The following THADA variants were observed in gnomAD, a reference collection of about 807,000 sequenced individuals.
THADA encodes THADA armadillo repeat containing.
Under a neutral mutation model 219.8 loss-of-function variants are expected in THADA, and 213 were observed. The ratio of observed to expected loss-of-function variants is 0.97; its 90% confidence interval spans 0.87 to 1.09. The LOEUF (loss-of-function observed/expected upper bound fraction) is 1.09. Among genes scored for constraint, THADA ranks in the 50% least tolerant of loss-of-function variants. The pLI is 0.00. For synonymous variants in THADA, 1,018 were observed against 828.9 expected, an observed-to-expected ratio of 1.23 and a Z score of -3.92; for missense variants, 2,956 against 2,311.3, an observed-to-expected ratio of 1.28 and a Z score of -5.72.
chr2:43,298,018 G>T (rs1164332474), intron 31 of THADA, among the ~76,000 whole-genome samples: 8 of 99,784 alleles, frequency 8.0e-5, no homozygotes, highest in Admixed American at 1.8e-4. Context: ...TCAGCCCCCC[G>T]GCCCGGCCAG....
intron 29 of THADA, among the ~76,000 whole-genome samples, chr2:43,375,671 C>CA (rs1321085039): frequency 6.6e-6 from 1 of 152,156 alleles, no homozygotes; most frequent in African/African-American, 2.4e-5. Context: ...TACAAGGTCA[C>CA]AATTTTAGGA....
intron 29 of THADA, among the ~76,000 whole-genome samples, chr2:43,386,822 C>G (rs1672744726): frequency 6.7e-6 from 1 of 149,086 alleles, no homozygotes. Flanking sequence ...TGCTTGAACC[C>G]GGGAGGCAGA....
At chr2:43,376,810 G>C (rs959097447) in intron 29 of THADA, among the ~76,000 whole-genome samples, 1 of 152,116 alleles carries the variant, frequency 6.6e-6, no homozygotes, top group Non-Finnish European at 1.5e-5. Context: ...GTTTGTCCAG[G>C]GAATTAAGAT....
chr2:43,280,415 C>T (rs1337831090), intron 35 of THADA, among the ~76,000 whole-genome samples: 1 of 152,032 alleles, frequency 6.6e-6, no homozygotes, highest in Admixed American at 6.6e-5. Context: ...GAGTGGATCA[C>T]GAGGTCAGGA....
chr2:43,306,439 C>T (rs892114510), intron 31 of THADA, among the ~76,000 whole-genome samples: 1 of 152,166 alleles, frequency 6.6e-6, no homozygotes, highest in Non-Finnish European at 1.5e-5. Context: ...CACACTTAGT[C>T]CATGGGATAC....
chr2:43,380,764 A>G (rs1230653623), intron 29 of THADA, among the ~76,000 whole-genome samples: 1 of 152,186 alleles, frequency 6.6e-6, no homozygotes, highest in Non-Finnish European at 1.5e-5. Flanking sequence ...TACCTAGAAA[A>G]GGGAACATAC....
intron 22 of THADA, among the ~76,000 whole-genome samples, chr2:43,515,728 T>C (rs573343270): frequency 1.3e-5 from 2 of 151,988 alleles, no homozygotes; most frequent in Admixed American, 1.3e-4. Context: ...ACCAGAATTG[T>C]ATACCCCGTT....
Position 43,577,141 on chromosome 2 carries a change from A to G in THADA, c.918T>C (p.Ala306=). The part of the protein sequence containing the change: ...SLCCGDISQS[A]VLFLCQGTLA... ...GTGTCCCCTGACAGAGGAATAAGAC[A>G]GCTGACTGAGAGATGTCACCACAAC... Residue 306 remains alanine, a synonymous_variant, in exon 10 of 38, where the codon GCT becomes GCC. Coordinates refer to ENST00000405975, the MANE Select transcript of THADA (RefSeq NM_022065.5). 1 of 1,611,884 alleles carries G rather than the reference A, an allele frequency of 6.2e-7. No individual in the cohort carries two copies. The highest frequency in any genetic ancestry group is 2.2e-5 in the East Asian group (1 of 44,854).
At chr2:43,267,044 A>C (rs990171177) in intron 36 of THADA, among the ~76,000 whole-genome samples, 1 of 152,132 alleles carries the variant, frequency 6.6e-6, no homozygotes, top group South Asian at 2.1e-4. Context: ...GCTCTGGGTA[A>C]TGCAACTGCA....
intron 29 of THADA, among the ~76,000 whole-genome samples, chr2:43,375,257 A>T (rs1188212427): frequency 6.6e-6 from 1 of 152,196 alleles, no homozygotes; most frequent in Non-Finnish European, 1.5e-5. Flanking sequence ...AAATGGGGAA[A>T]GAGAATATCA....
chr2:43,381,162 A>G (rs1311247446), intron 29 of THADA, among the ~76,000 whole-genome samples: 2 of 151,834 alleles, frequency 1.3e-5, no homozygotes, highest in Non-Finnish European at 2.9e-5. Context: ...AGGCATGTCA[A>G]AGGCACCCAG....
intron 36 of THADA, among the ~76,000 whole-genome samples, chr2:43,268,820 A>T (rs1303830126): frequency 6.6e-6 from 1 of 152,166 alleles, no homozygotes; most frequent in Non-Finnish European, 1.5e-5. Flanking sequence ...TGAACTCAGG[A>T]GGGCAAAGGG....
chr2:43,361,636 G>A (rs1002669925), intron 29 of THADA, among the ~76,000 whole-genome samples: 3 of 152,122 alleles, frequency 2.0e-5, no homozygotes, highest in African/African-American at 7.2e-5. Flanking sequence ...TCGTTCCTTG[G>A]CACTATTTTT....
At chr2:43,289,415 T>C (rs760458630) in intron 34 of THADA, among the ~76,000 whole-genome samples, 11 of 152,232 alleles carry the variant, frequency 7.2e-5, no homozygotes. Flanking sequence ...TTGAGGAAGA[T>C]GCTAATTCCC....
At chr2:43,455,510 T>TCC (rs1682878054) in intron 26 of THADA, among the ~76,000 whole-genome samples, 1 of 113,234 alleles carries the variant, frequency 8.8e-6, no homozygotes, top group Non-Finnish European at 1.8e-5. Flanking sequence ...TCTCGCTCTC[T>TCC]CTCTCTCTCA....
At chr2:43,430,608 C>T (rs1423719370) in intron 26 of THADA, 2 of 466,998 alleles carry the variant, frequency 4.3e-6, no homozygotes, top group African/African-American at 2.0e-5. Flanking sequence ...GTTTCCACAA[C>T]TGATTTGGAC....
intron 36 of THADA, among the ~76,000 whole-genome samples, chr2:43,261,298 A>T (rs553064066): frequency 7.3e-6 from 1 of 136,134 alleles, no homozygotes; most frequent in East Asian, 2.1e-4. Flanking sequence ...ATCTCGGCTC[A>T]CTGCAACTTC....
chr2:43,543,661 C>T (rs1018663737), intron 20 of THADA, among the ~76,000 whole-genome samples: 1 of 152,216 alleles, frequency 6.6e-6, no homozygotes, highest in African/African-American at 2.4e-5. Context: ...TTTCTGGCTG[C>T]ATAAATGTCT....
chr2:43,415,452 T>C (rs570727017), intron 28 of THADA, among the ~76,000 whole-genome samples: 1 of 152,130 alleles, frequency 6.6e-6, no homozygotes, highest in Non-Finnish European at 1.5e-5. Flanking sequence ...TATTCATTAG[T>C]AGTAGTAGAA....
Sources: allele counts gnomAD v4.1 joint callset (sites outside exome capture counted in the v4.1 genomes callset), GRCh38; gene constraint gnomAD v4.1.1; transcripts MANE v1.5; gene names NCBI Gene and HGNC (gene_info 2026-07-23, HGNC 2026-07-21).